RASGRF2: variants seen among roughly 807,000 people sequenced by gnomAD.
The protein encoded by RASGRF2 is Ras protein specific guanine nucleotide releasing factor 2.
RASGRF2 carries 76 observed loss-of-function variants against 151.0 expected under a neutral mutation model. That is an observed-to-expected ratio of 0.50 (90% CI 0.42 to 0.61). The LOEUF (loss-of-function observed/expected upper bound fraction) is 0.61. Among genes scored for constraint, RASGRF2 ranks in the 20% least tolerant of loss-of-function variants. The pLI, the probability that RASGRF2 is intolerant of heterozygous loss-of-function variation, is 0.00. For missense variants in RASGRF2, 1,148 were observed against 1,564.6 expected (o/e 0.73, Z 4.49); for synonymous variants, 504 against 566.5 (o/e 0.89, Z 1.57).
chr5:81,144,122 G>A (rs926960982), intron 17 of RASGRF2, among the ~76,000 whole-genome samples: 13 of 152,142 alleles, frequency 8.5e-5, no homozygotes, highest in Admixed American at 7.2e-4. Flanking sequence ...ATAATGTTGT[G>A]ATTATGTAAA....
chr5:81,203,170 A>G (rs1163477664), intron 19 of RASGRF2, among the ~76,000 whole-genome samples: 1 of 152,212 alleles, frequency 6.6e-6, no homozygotes, highest in Non-Finnish European at 1.5e-5. Context: ...CTGAGTGATT[A>G]CTGTTTCTTT....
intron 12 of RASGRF2, among the ~76,000 whole-genome samples, chr5:81,103,880 T>C (rs1023008710): frequency 1.3e-5 from 2 of 152,138 alleles, no homozygotes; most frequent in African/African-American, 2.4e-5. Context: ...GTGGGATATA[T>C]AGCAGTTAAT....
Position 81,080,666 on chromosome 5 carries a change from C to T in RASGRF2, c.1038C>T (p.Ser346=). 2.5e-6 allele frequency: 4 copies of T among 1,614,148 alleles called. No homozygotes were observed. Among genetic ancestry groups the T allele is most frequent in the Non-Finnish European group, 3.4e-6 (4 of 1,179,962 alleles). ...AATTTGTGCGTAATCACCAGTACAG[C>T]CTGCAAGTTCTCGCCAATTGTAAGC... ...YQEFVRNHQY[S]LQVLANCKQN... The change falls in exon 7 of 27, where the codon AGC becomes AGT. Residue 346 remains serine, a synonymous_variant. Transcript: ENST00000265080.
chr5:81,016,624 C>T (rs1358755834), intron 1 of RASGRF2, among the ~76,000 whole-genome samples: 1 of 152,050 alleles, frequency 6.6e-6, no homozygotes, highest in African/African-American at 2.4e-5. Context: ...AAGTGGAATT[C>T]TTGCCTATCA....
chr5:81,213,516 C>T (rs1345358517), intron 23 of RASGRF2, among the ~76,000 whole-genome samples: 8 of 152,152 alleles, frequency 5.3e-5, no homozygotes, highest in African/African-American at 1.9e-4. Context: ...CTCCAGGGTC[C>T]CAGACCGGAA....
chr5:81,073,367 G>A lies in RASGRF2; in HGVS notation c.802G>A (p.Gly268Ser), dbSNP rs1160195299. 2 of 1,614,008 alleles carry A rather than the reference G, an allele frequency of 1.2e-6. No individual in the cohort carries two copies. Among genetic ancestry groups the A allele is most frequent in the Non-Finnish European group, 1.7e-6 (2 of 1,180,030 alleles). Residue 268 changes from glycine to serine, a missense_variant, in exon 5 of 27, where the codon GGC (glycine) becomes AGC (serine). Gly to Ser is a moderately conservative substitution (Grantham distance 56). This residue lies in a region of RASGRF2 where 176 missense variants were observed against 309.6 expected (regional missense o/e 0.57). Coordinates refer to ENST00000265080, the MANE Select transcript of RASGRF2 (RefSeq NM_006909.3). The stretch of plus-strand genomic sequence containing the variant: ...TCACCAGCTCTACATCCTGGTCAAT[G>A]GCTTTCTCCGGCCCCTGCGTATGGC... ...YVHQLYILVN[G>S]FLRPLRMAAS...
Position 81,207,365 on chromosome 5 carries a change from C to CA in RASGRF2, c.3071+17dup. 6.2e-7 allele frequency: 1 copy of CA among 1,603,984 alleles called. No homozygotes were observed. Among genetic ancestry groups the CA allele is most frequent in the Non-Finnish European group, 8.5e-7 (1 of 1,171,006 alleles). Reference sequence around the variant, plus strand: ...TTCCCTACGAGTGAGTGCCACCCCCCACAGCAGCAGGGCTCGGCTGCTCTA... The same window carrying CA: ...TTCCCTACGAGTGAGTGCCACCCCCCAACAGCAGCAGGGCTCGGCTGCTCTA... On this transcript the variant is annotated intron_variant, in intron 21 of 26. Transcript: ENST00000265080.
At chr5:80,963,455 T>C (rs981823065) in intron 1 of RASGRF2, among the ~76,000 whole-genome samples, 3 of 152,056 alleles carry the variant, frequency 2.0e-5, no homozygotes, top group African/African-American at 7.2e-5. Flanking sequence ...TTTTTTTCTG[T>C]TAATGAAATC....
chr5:81,169,108 A>G (rs1754583339), intron 17 of RASGRF2, among the ~76,000 whole-genome samples: 2 of 152,336 alleles, frequency 1.3e-5, no homozygotes, highest in South Asian at 4.1e-4. Flanking sequence ...CAGTGTGATC[A>G]TTAGATGTCT....
At chr5:80,994,161 C>T (rs113429400) in intron 1 of RASGRF2, among the ~76,000 whole-genome samples, 28,531 of 151,696 alleles carry the variant, frequency 0.19, 3,471 homozygotes, top group Middle Eastern at 0.34. Flanking sequence ...GTCAGGAGAT[C>T]GAGACCATCC....
At chr5:81,128,148 G>A (rs770828171) in intron 17 of RASGRF2, among the ~76,000 whole-genome samples, 3 of 151,978 alleles carry the variant, frequency 2.0e-5, no homozygotes, top group African/African-American at 2.4e-5. Flanking sequence ...GAAGGGAAGC[G>A]GGGAGCTGTT....
chr5:81,053,594 A>T (rs1431521313), intron 2 of RASGRF2, among the ~76,000 whole-genome samples: 2 of 152,110 alleles, frequency 1.3e-5, no homozygotes, highest in African/African-American at 4.8e-5. Context: ...ATACGTGTGC[A>T]TGTGTCTTTA....
intron 17 of RASGRF2, among the ~76,000 whole-genome samples, chr5:81,164,704 T>A (rs1754465928): frequency 6.6e-6 from 1 of 152,190 alleles, no homozygotes; most frequent in African/African-American, 2.4e-5. Context: ...AGGGGTGGAA[T>A]TCTTGGGGAG....
intron 1 of RASGRF2, among the ~76,000 whole-genome samples, chr5:80,966,228 A>T (rs1353716461): frequency 2.0e-5 from 3 of 152,096 alleles, no homozygotes; most frequent in Non-Finnish European, 4.4e-5. Context: ...GTACATTAAC[A>T]TTTCAAGACC....
At chr5:81,006,375 A>G (rs1467946773) in intron 1 of RASGRF2, among the ~76,000 whole-genome samples, 1 of 152,192 alleles carries the variant, frequency 6.6e-6, no homozygotes, top group Non-Finnish European at 1.5e-5. Flanking sequence ...TTTGAAAGTG[A>G]AAAGTCTTTT....
chr5:81,154,106 T>C (rs1754202331), intron 17 of RASGRF2, among the ~76,000 whole-genome samples: 1 of 152,142 alleles, frequency 6.6e-6, no homozygotes, highest in Non-Finnish European at 1.5e-5. Flanking sequence ...ATTTCAGCAA[T>C]AATAATTGTT....
rs186139272 is a variant in RASGRF2 at position 81,228,613 on chromosome 5, C to T, written c.*2843C>T. ...GAAAATCAGAAGAAAAATCCAATTT[C>T]ATGCTTTCGAATGAATGCCCACATT... is the stretch of plus-strand genomic sequence containing the variant. On this transcript the variant is annotated 3_prime_UTR_variant, in exon 27 of 27. Coordinates refer to ENST00000265080, the MANE Select transcript of RASGRF2 (RefSeq NM_006909.3). 2.6e-5 allele frequency: 4 copies of T among 152,306 alleles called. No individual in the cohort carries two copies. In the East Asian group the frequency reaches 5.8e-4, roughly 22 times the overall value. The allele number at this position is 152,306 out of a possible 1,614,324, so 9.4% of individuals were successfully genotyped here.
chr5:81,094,479 C>T (rs1752480389), intron 11 of RASGRF2, 117 bp downstream of exon 11: 3 of 922,930 alleles, frequency 3.3e-6, no homozygotes, highest in African/African-American at 3.4e-5. Flanking sequence ...AGCCCATGAG[C>T]CTTGTTAAAC....
intron 17 of RASGRF2, among the ~76,000 whole-genome samples, chr5:81,138,720 G>C (rs564319590): frequency 6.6e-6 from 1 of 151,400 alleles, no homozygotes; most frequent in East Asian, 1.9e-4. Flanking sequence ...CGGTTCCAGC[G>C]ACTTCAGCTC....
Sources: allele counts gnomAD v4.1 joint callset (sites outside exome capture counted in the v4.1 genomes callset), GRCh38; gene constraint gnomAD v4.1.1; regional missense constraint gnomAD v4.1.1; transcripts MANE v1.5; gene names NCBI Gene and HGNC (gene_info 2026-07-23, HGNC 2026-07-21).